Variants in ARRB2 observed in about 807,000 individuals in gnomAD.
ARRB2 encodes beta-arrestin-2.
In ARRB2, 21 loss-of-function variants were observed where a neutral mutation model predicts 53.4. That is an observed-to-expected ratio of 0.39 (90% CI 0.28 to 0.57). ARRB2 has a LOEUF of 0.57. ARRB2 is among the 20% of genes least tolerant of loss of function. The pLI is 0.55. For synonymous variants in ARRB2, 180 were observed against 212.9 expected (o/e 0.85, Z 1.34); for missense variants, 369 against 527.5 (o/e 0.70, Z 2.94).
At position 4,717,055 on chromosome 17, in the gene ARRB2, A is replaced by G; in HGVS notation, c.358-162A>G. On this transcript the variant is annotated intron_variant, in intron 5 of 14. Coordinates refer to ENST00000269260, the MANE Select transcript of ARRB2 (RefSeq NM_004313.4). The surrounding 1 kb of genome is among the most constrained non-coding windows in gnomAD (Gnocchi z 6.0). ...TGCCACGTTGGTCAGGCTGGTCTGGAACCCCTGACCTCAGGTGATCCGCCC... is the reference window on the plus strand; with the variant it reads ...TGCCACGTTGGTCAGGCTGGTCTGGGACCCCTGACCTCAGGTGATCCGCCC... The G allele has an allele frequency of 1.3e-6, 1 of 792,376 alleles. No homozygotes were observed. The highest frequency in any genetic ancestry group is 1.5e-5 in the South Asian group (1 of 65,474). 49.1% of individuals were successfully genotyped at this position (792,376 alleles called of 1,614,324 possible).
rs750455960 is a variant in ARRB2 at position 4,717,730 on chromosome 17, C to T, written c.463C>T (p.Leu155=). 13 of 1,613,398 alleles carry T rather than the reference C, an allele frequency of 8.1e-6. No individual in the cohort carries two copies. Among genetic ancestry groups the T allele is most frequent in the Non-Finnish European group, 1.1e-5 (13 of 1,179,802 alleles). The change falls in exon 7 of 15, where the codon CTA becomes TTA. Residue 155 remains leucine (L), a synonymous_variant. Transcript: ENST00000269260. The surrounding 1 kb of genome is among the most constrained non-coding windows in gnomAD (Gnocchi z 6.0). The part of the protein sequence containing the change: ...FEIRAFCAKS[L]EEKSHKRNSV... ...GATTCGAGCCTTCTGTGCTAAATCA[C>T]TAGAAGAGAAAAGCCACAAAAGGTA... is the stretch of plus-strand genomic sequence containing the variant.
At chr17:4,718,775 T>C in intron 10 of ARRB2, 91 bp downstream of exon 10, 7 of 1,159,878 alleles carry the variant, frequency 6.0e-6, no homozygotes, top group Non-Finnish European at 8.1e-6. Context: ...TCCTGAGCCA[T>C]CTCCACCTTT....
intron 1 of ARRB2, among the ~76,000 whole-genome samples, chr17:4,711,126 G>C (rs1483944649): frequency 6.6e-6 from 1 of 152,004 alleles, no homozygotes; most frequent in African/African-American, 2.4e-5. Flanking sequence ...CTCCAGACTC[G>C]CGCCAAGCCA....
chr17:4,720,921 C>T, intron 14 of ARRB2, 25 bp from the exon 15 acceptor site: 2 of 1,611,442 alleles, frequency 1.2e-6, no homozygotes, highest in Non-Finnish European at 1.7e-6. Context: ...GCCCTCACCT[C>T]ACAACCCTCT....
Position 4,720,621 on chromosome 17 carries a change from C to T in ARRB2, c.1117C>T (p.Leu373Phe), listed in dbSNP as rs1157626185. The T allele has an allele frequency of 6.3e-7, 1 of 1,592,808 alleles. No individual in the cohort carries two copies. ...GACAGATGTCCCTGTGGACACCAAC[C>T]TCATTGAATTTGATACCAAGTAAGA... is the stretch of plus-strand genomic sequence containing the variant. The part of the protein sequence containing the change: ...PETDVPVDTN[L>F]IEFDTNYATD... The change falls in exon 14 of 15, where the codon CTC (leucine) becomes TTC (phenylalanine). Residue 373 changes from leucine (L) to phenylalanine (F), a missense_variant. By Grantham distance (22) the Leu-to-Phe change is conservative. Coordinates refer to ENST00000269260, the MANE Select transcript of ARRB2 (RefSeq NM_004313.4).
intron 14 of ARRB2, 72 bp from the exon 15 acceptor site, chr17:4,720,874 G>A: frequency 1.3e-6 from 2 of 1,487,468 alleles, no homozygotes; most frequent in South Asian, 1.2e-5. Context: ...TAGCTTCGGG[G>A]AGGGCAGGGA....
At chr17:4,718,932 C>T (rs1452328713) in intron 10 of ARRB2, among the ~76,000 whole-genome samples, 2 of 151,806 alleles carry the variant, frequency 1.3e-5, no homozygotes, top group Non-Finnish European at 2.9e-5. Flanking sequence ...CAGGCATGCA[C>T]CACCATACCC....
rs1451589576 is a variant in ARRB2, at chr17:4,717,485, A to T, written c.418-200A>T. 8.0e-6 allele frequency: 7 copies of T among 875,302 alleles called. No individual in the cohort carries two copies. Among genetic ancestry groups the T allele is most frequent in the Non-Finnish European group, 1.2e-5 (7 of 563,328 alleles). The allele number at this position is 875,302 out of a possible 1,614,324, so 54.2% of individuals were successfully genotyped here. On this transcript the variant is annotated intron_variant, in intron 6 of 14. Coordinates refer to ENST00000269260, the MANE Select transcript of ARRB2 (RefSeq NM_004313.4). The surrounding 1 kb of genome is among the most constrained non-coding windows in gnomAD (Gnocchi z 6.0). Reference sequence around the variant, plus strand: ...TCTGTGGACCCGCATGGATCTGGGGATGGGGGCTCCCCTTGCACTACCATG... The same window carrying T: ...TCTGTGGACCCGCATGGATCTGGGGTTGGGGGCTCCCCTTGCACTACCATG...
At chr17:4,716,389 C>T (rs767499672) in intron 4 of ARRB2, 23 bp from the exon 5 acceptor site, 1 of 1,614,128 alleles carries the variant, frequency 6.2e-7, no homozygotes, top group Non-Finnish European at 8.5e-7. Context: ...CTCCTGACCA[C>T]TCATCTCACC....
At chr17:4,718,528 G>A (rs1400107797) in intron 9 of ARRB2, 84 bp from the exon 10 acceptor site, 11 of 1,421,016 alleles carry the variant, frequency 7.7e-6, no homozygotes, top group Middle Eastern at 1.8e-4. Flanking sequence ...GAGCATGGGG[G>A]GGCCACGCCA....
chr17:4,714,299 G>A (rs1022297831), intron 1 of ARRB2, among the ~76,000 whole-genome samples: 2 of 152,098 alleles, frequency 1.3e-5, no homozygotes, highest in African/African-American at 2.4e-5. Flanking sequence ...CGGAGTTGGG[G>A]ACAGTTGGAG....
chr17:4,718,079 G>A, intron 8 of ARRB2, 56 bp downstream of exon 8: 2 of 1,606,240 alleles, frequency 1.2e-6, no homozygotes, highest in South Asian at 2.2e-5. Context: ...CCTGGGGGAG[G>A]GGCGAAGCCA....
Position 4,717,385 on chromosome 17 carries a change from G to C in ARRB2, c.417+109G>C. ...ACTGTCGAGATGCCAGGGTGGGGCC[G>C]AGGGTAGGCCAGTGTCCCCCGTGGA... On this transcript the variant is annotated intron_variant, in intron 6 of 14. Transcript: ENST00000269260. This position sits in a 1 kb window ranked among gnomAD's most constrained non-coding sequence, Gnocchi z 6.0. 7.2e-7 allele frequency: 1 copy of C among 1,381,226 alleles called. No homozygotes were observed. Among genetic ancestry groups the C allele is most frequent in the South Asian group, 1.2e-5 (1 of 86,108 alleles). The allele number at this position is 1,381,226 out of a possible 1,614,324, so 85.6% of individuals were successfully genotyped here.
In ARRB2 at chr17:4,719,352, G is replaced by C. The variant is rs760586057; in HGVS notation, c.849G>C (p.Arg283=). ...TAACCCCACTGCTCAGCGACAACCG[G>C]GAGAAGCGGGGTCTCGCCCTGGATG... ...YTITPLLSDN[R]EKRGLALDGK... is the part of the protein sequence containing the mutation. The change falls in exon 11 of 15, where the codon CGG becomes CGC. Residue 283 remains arginine (R), a synonymous_variant. Transcript: ENST00000269260. 5.6e-5 allele frequency: 90 copies of C among 1,614,054 alleles called. No individual in the cohort carries two copies. The highest frequency in any genetic ancestry group is 7.3e-5 in the Non-Finnish European group (86 of 1,180,022).
intron 1 of ARRB2, among the ~76,000 whole-genome samples, chr17:4,711,379 A>G (rs900489234): frequency 2.6e-5 from 4 of 151,964 alleles, no homozygotes; most frequent in African/African-American, 9.7e-5. Flanking sequence ...TTTCTGTGCA[A>G]TCGAGGCTCT....
At chr17:4,719,714 G>A (rs976215543) in intron 11 of ARRB2, among the ~76,000 whole-genome samples, 2 of 152,172 alleles carry the variant, frequency 1.3e-5, no homozygotes, top group Non-Finnish European at 2.9e-5. Flanking sequence ...GAGCAGGAAA[G>A]GAGGGTTCTG....
intron 1 of ARRB2, among the ~76,000 whole-genome samples, chr17:4,712,848 TTGG>T (rs949847590): frequency 6.6e-6 from 1 of 152,208 alleles, no homozygotes; most frequent in African/African-American, 2.4e-5. Flanking sequence ...CCAGACTGCC[TTGG>T]TTTCTATTAA....
In ARRB2 at chr17:4,717,303, C is replaced by G. The variant is rs1351346780; in HGVS notation, c.417+27C>G. 6.2e-7 allele frequency: 1 copy of G among 1,613,048 alleles called. No homozygotes were observed. The highest frequency in any genetic ancestry group is 8.5e-7 in the Non-Finnish European group (1 of 1,179,044). On this transcript the variant is annotated intron_variant, in intron 6 of 14. Transcript: ENST00000269260. The surrounding 1 kb of genome is among the most constrained non-coding windows in gnomAD (Gnocchi z 6.0). The stretch of plus-strand genomic sequence containing the variant: ...TACGGGAGGAACAGCTCTGAGGGCT[C>G]CTAGGGCAGGACATGGGCCAGCAGG...
At position 4,717,682 on chromosome 17, in the gene ARRB2, G is replaced by A. The variant is rs775746698; in HGVS notation, c.418-3G>A. The A allele has an allele frequency of 3.2e-5, 51 of 1,613,980 alleles. No homozygotes were observed. The highest frequency in any genetic ancestry group is 3.9e-5 in the Non-Finnish European group (46 of 1,180,032). On this transcript the variant is annotated splice_polypyrimidine_tract_variant and splice_region_variant and intron_variant, in intron 6 of 14. Coordinates refer to ENST00000269260, the MANE Select transcript of ARRB2 (RefSeq NM_004313.4). This position sits in a 1 kb window ranked among gnomAD's most constrained non-coding sequence, Gnocchi z 6.0. ...AGATGTGGCCTTTTCTCCCCTCCCC[G>A]AGGCCTGCGGCGTAGACTTTGAGAT...
Sources: gnomAD v4.1 joint callset for allele counts (sites outside exome capture counted in the v4.1 genomes callset) on GRCh38, gnomAD v4.1.1 for gene constraint, Gnocchi (gnomAD v3.1) non-coding constraint, MANE v1.5 for transcripts, NCBI Gene and HGNC (gene_info 2026-07-23, HGNC 2026-07-21) for gene names.